Variants in AGBL2 observed in about 807,000 individuals in gnomAD.
AGBL2 encodes the protein AGBL carboxypeptidase 2.
Under a neutral mutation model 103.0 loss-of-function variants are expected in AGBL2, and 87 were observed. The ratio of observed to expected loss-of-function variants is 0.84; its 90% CI spans 0.71 to 1.01. The LOEUF (loss-of-function observed/expected upper bound fraction) is 1.01. Among genes scored for constraint, AGBL2 ranks in the 50% least tolerant of loss-of-function variants. The pLI is 0.00. For missense variants in AGBL2, 904 were observed against 1,023.5 expected (o/e 0.88, Z 1.59); for synonymous variants, 335 against 356.7 (o/e 0.94, Z 0.69).
chr11:47,712,619 G>A (rs551153263), intron 3 of AGBL2, among the ~76,000 whole-genome samples: 1 of 152,286 alleles, frequency 6.6e-6, no homozygotes, highest in Non-Finnish European at 1.5e-5. Context: ...AATGTCATAA[G>A]CGGGCTGGGG....
intron 6 of AGBL2, 101 bp from the exon 7 acceptor site, chr11:47,704,829 A>T: frequency 1.2e-6 from 1 of 869,432 alleles, no homozygotes; most frequent in Non-Finnish European, 1.7e-6. Context: ...TTATATTAAA[A>T]TATTAGCACA....
intron 4 of AGBL2, among the ~76,000 whole-genome samples, chr11:47,707,289 C>T (rs2097524016): frequency 6.6e-6 from 1 of 152,116 alleles, no homozygotes; most frequent in South Asian, 2.1e-4. Flanking sequence ...TTTAATTTTC[C>T]CAGCTGTGTT....
chr11:47,689,960 C>T, intron 10 of AGBL2, 116 bp downstream of exon 10: 1 of 909,988 alleles, frequency 1.1e-6, no homozygotes, highest in Non-Finnish European at 1.6e-6. Context: ...GCTCTGTCTC[C>T]AAAGTCATAC....
At chr11:47,685,757 C>A (rs1365417923) in intron 11 of AGBL2, 136 bp downstream of exon 11, 2 of 961,280 alleles carry the variant, frequency 2.1e-6, no homozygotes, top group Non-Finnish European at 3.1e-6. Flanking sequence ...TTTCTAAATT[C>A]TTGAAGTCTA....
Position 47,702,843 on chromosome 11 carries a change from T to C in AGBL2, c.586+1700A>G, listed in dbSNP as rs556206654. 2.0e-5 allele frequency among the ~76,000 whole-genome samples: 3 copies of C among 151,890 alleles called. No individual in the cohort carries two copies. The East Asian group carries it at 5.8e-4, about 29-fold the overall frequency. On this transcript the variant is annotated intron_variant, in intron 7 of 18. Coordinates refer to ENST00000525123, the MANE Select transcript of AGBL2 (RefSeq NM_024783.4). Reference sequence around the variant, plus strand: ...GAGCCGAGATGGAGCCATTGCACTCTAGCCTGGGTGATAGAGCAAGACTCC... The same window carrying C: ...GAGCCGAGATGGAGCCATTGCACTCCAGCCTGGGTGATAGAGCAAGACTCC...
rs568205301 is a variant in AGBL2, at chr11:47,715,059, G to A, written c.-101+116C>T. The A allele has an allele frequency of 9.4e-5, 19 of 201,066 alleles. 1 individual carries two copies. The South Asian group carries it at 1.5e-3, about 16-fold the overall frequency. The allele number at this position is 201,066 out of a possible 1,614,324, so 12.5% of individuals were successfully genotyped here. On this transcript the variant is annotated intron_variant, in intron 1 of 18. Transcript: ENST00000525123. ...GTAGGTGCCGATGGAAAAAGGTCAG[G>A]GGGTTGGGAAAGTGGGCCCTAAAGA... is the stretch of plus-strand genomic sequence containing the variant.
intron 13 of AGBL2, among the ~76,000 whole-genome samples, chr11:47,678,335 A>ATTTTTTTTTTTT (rs771416947): frequency 3.0e-5 from 2 of 67,786 alleles, no homozygotes; most frequent in South Asian, 5.8e-4. Flanking sequence ...ATTTTATTTT[A>ATTTTTTTTTTTT]TTATTTTATT....
chr11:47,714,876 C>T (rs2097545592), intron 1 of AGBL2, 126 bp from the exon 2 acceptor site: 2 of 567,568 alleles, frequency 3.5e-6, no homozygotes, highest in South Asian at 2.0e-5. Flanking sequence ...GTGGTCACGC[C>T]GAGGCCAGAG....
chr11:47,672,071 T>C (rs1364183387), intron 14 of AGBL2, among the ~76,000 whole-genome samples: 1 of 152,202 alleles, frequency 6.6e-6, no homozygotes, highest in Non-Finnish European at 1.5e-5. Context: ...CTGTAGAGTC[T>C]GCCTGTTTCT....
At chr11:47,668,085 T>C (rs1190484913) in intron 15 of AGBL2, among the ~76,000 whole-genome samples, 1 of 151,724 alleles carries the variant, frequency 6.6e-6, no homozygotes, top group Non-Finnish European at 1.5e-5. Flanking sequence ...GGCAGGTGCC[T>C]GTAATCCCAG....
intron 4 of AGBL2, among the ~76,000 whole-genome samples, chr11:47,709,589 C>CTTT: frequency 6.9e-6 from 1 of 144,082 alleles, no homozygotes; most frequent in Non-Finnish European, 1.5e-5. Context: ...CAATGTATTA[C>CTTT]TTTTTTTTTT....
chr11:47,707,024 TAAAA>T (rs61459888), intron 4 of AGBL2, among the ~76,000 whole-genome samples: 4 of 111,644 alleles, frequency 3.6e-5, no homozygotes, highest in Non-Finnish European at 5.4e-5. Context: ...CTGTCTCTAC[TAAAA>T]AAAAAAAAAA....
At chr11:47,681,797 C>T (rs749150372) in intron 12 of AGBL2, among the ~76,000 whole-genome samples, 172 bp downstream of exon 12, 2 of 152,196 alleles carry the variant, frequency 1.3e-5, no homozygotes, top group East Asian at 3.8e-4. Flanking sequence ...CATACTGCCT[C>T]ATCAAATATA....
chr11:47,680,190 G>A (rs1256546998), intron 12 of AGBL2, 117 bp from the exon 13 acceptor site: 8 of 613,716 alleles, frequency 1.3e-5, no homozygotes, highest in Admixed American at 3.0e-5. Flanking sequence ...GGTGGTTTAC[G>A]CCTGTAATCC....
chr11:47,671,739 T>C (rs1447463104), intron 14 of AGBL2, among the ~76,000 whole-genome samples: 1 of 152,200 alleles, frequency 6.6e-6, no homozygotes, highest in Non-Finnish European at 1.5e-5. Flanking sequence ...CCCAATTCCC[T>C]GTTCTCACAA....
At chr11:47,685,193 C>T (rs1016461401) in intron 11 of AGBL2, among the ~76,000 whole-genome samples, 12 of 151,598 alleles carry the variant, frequency 7.9e-5, no homozygotes, top group Non-Finnish European at 1.2e-4. Flanking sequence ...CTCGACAGAG[C>T]GAGACTCCGT....
chr11:47,672,818 T>TG (rs2097361518), intron 14 of AGBL2, among the ~76,000 whole-genome samples: 1 of 152,036 alleles, frequency 6.6e-6, no homozygotes, highest in African/African-American at 2.4e-5. Context: ...TGCCATAGAG[T>TG]GGGTGGAAGA....
chr11:47,669,890 C>T (rs780294448), intron 14 of AGBL2, among the ~76,000 whole-genome samples: 35 of 152,252 alleles, frequency 2.3e-4, no homozygotes, highest in Middle Eastern at 3.4e-3. Context: ...GGATAACAGG[C>T]GTGAGCCACT....
intron 7 of AGBL2, among the ~76,000 whole-genome samples, 193 bp downstream of exon 7, chr11:47,704,350 T>C (rs2097509547): frequency 6.6e-6 from 1 of 151,306 alleles, no homozygotes; most frequent in Admixed American, 6.6e-5. Flanking sequence ...CGTGGTGGTG[T>C]GCGCCTGTAA....
Sources: gnomAD v4.1 joint callset for allele counts (sites outside exome capture counted in the v4.1 genomes callset) on GRCh38, gnomAD v4.1.1 for gene constraint, MANE v1.5 for transcripts, NCBI Gene and HGNC (gene_info 2026-07-23, HGNC 2026-07-21) for gene names.